Variants in GPATCH2 observed in about 807,000 individuals in gnomAD.
The protein encoded by GPATCH2 is G patch domain-containing protein 2.
GPATCH2 carries 51 observed loss-of-function variants against 58.0 expected under a neutral mutation model. The ratio of observed to expected loss-of-function variants is 0.88; its 90% confidence interval spans 0.70 to 1.11. GPATCH2 has a LOEUF of 1.11. GPATCH2 is among the 50% of genes most tolerant of loss of function. The pLI, the probability that GPATCH2 is intolerant of heterozygous loss-of-function variation, is 0.00. For missense variants in GPATCH2, 625 were observed against 652.2 expected (o/e 0.96, Z 0.45); for synonymous variants, 222 against 218.5 (o/e 1.02, Z -0.14).
intron 6 of GPATCH2, chr1:217,498,799 A>C (rs1662143038): frequency 3.5e-6 from 1 of 281,778 alleles, no homozygotes; most frequent in Non-Finnish European, 6.8e-6. Flanking sequence ...TTAAAAATAC[A>C]ACAATATTAC....
At chr1:217,599,955 G>A (rs781685758) in intron 5 of GPATCH2, among the ~76,000 whole-genome samples, 2 of 151,858 alleles carry the variant, frequency 1.3e-5, no homozygotes, top group African/African-American at 4.8e-5. Flanking sequence ...CTTCAAAATC[G>A]ATTCAAATCT....
rs1571679325 is a variant in GPATCH2, at chr1:217,625,766, T to C, written c.56+5150A>G. On this transcript the variant is annotated intron_variant, in intron 1 of 9. Coordinates refer to ENST00000366935, the MANE Select transcript of GPATCH2 (RefSeq NM_018040.5). ...GGGAGGTCGAAGTGGGTGGATCACCTGAGGTCAGGCATTCAAGACCAGCCT... is the reference window on the plus strand; with the variant it reads ...GGGAGGTCGAAGTGGGTGGATCACCCGAGGTCAGGCATTCAAGACCAGCCT... Among the ~76,000 whole-genome samples the C allele has an allele frequency of 5.9e-5, 9 of 152,288 alleles. No homozygotes were observed. In the East Asian group the frequency reaches 1.7e-3, roughly 29 times the overall value.
At chr1:217,623,384 T>C (rs1431295103) in intron 1 of GPATCH2, among the ~76,000 whole-genome samples, 1 of 152,166 alleles carries the variant, frequency 6.6e-6, no homozygotes, top group Non-Finnish European at 1.5e-5. Context: ...ATTCAATCCA[T>C]TGTAATCTGA....
chr1:217,605,068 A>G (rs552403093), intron 5 of GPATCH2, among the ~76,000 whole-genome samples: 37 of 152,140 alleles, frequency 2.4e-4, no homozygotes, highest in Non-Finnish European at 4.9e-4. Flanking sequence ...TTCTGCTGTA[A>G]AAGGCTATAA....
intron 8 of GPATCH2, among the ~76,000 whole-genome samples, chr1:217,465,837 T>C (rs1191421876): frequency 1.3e-5 from 2 of 152,150 alleles, no homozygotes; most frequent in South Asian, 2.1e-4. Context: ...CTGGGAAAAA[T>C]CACCTAAAAT....
At chr1:217,486,267 T>C (rs1469372434) in intron 8 of GPATCH2, among the ~76,000 whole-genome samples, 1 of 152,230 alleles carries the variant, frequency 6.6e-6, no homozygotes, top group African/African-American at 2.4e-5. Flanking sequence ...CCTATATCTA[T>C]TTTGATTAAT....
chr1:217,625,583 T>C (rs759873820), intron 1 of GPATCH2, among the ~76,000 whole-genome samples: 9 of 152,130 alleles, frequency 5.9e-5, no homozygotes, highest in Admixed American at 3.3e-4. Context: ...ATAAAGTATA[T>C]ATAGAAAAGT....
In GPATCH2 at chr1:217,610,880, G is replaced by A. The variant is rs1443087202; in HGVS notation, c.1018+9C>T. 3.8e-6 allele frequency: 6 copies of A among 1,593,450 alleles called. No individual in the cohort carries two copies. The highest frequency in any genetic ancestry group is 3.3e-5 in the South Asian group (3 of 89,948). On this transcript the variant is annotated intron_variant, in intron 4 of 9. Coordinates refer to ENST00000366935, the MANE Select transcript of GPATCH2 (RefSeq NM_018040.5). Reference sequence around the variant, plus strand: ...CCATTATATCTACCAGGGAGCCAGTGCTACTGACCTCTTCTGCTTGGGTGT... The same window carrying A: ...CCATTATATCTACCAGGGAGCCAGTACTACTGACCTCTTCTGCTTGGGTGT...
chr1:217,436,892 T>C (rs1322128132), intron 9 of GPATCH2, among the ~76,000 whole-genome samples: 3 of 152,156 alleles, frequency 2.0e-5, no homozygotes, highest in Non-Finnish European at 4.4e-5. Context: ...AACACTGAAC[T>C]TGCAATATTA....
intron 5 of GPATCH2, among the ~76,000 whole-genome samples, chr1:217,592,952 T>C (rs1372788630): frequency 6.6e-6 from 1 of 151,958 alleles, no homozygotes; most frequent in South Asian, 2.1e-4. Context: ...GATTCAAAAA[T>C]GGATCTATGG....
chr1:217,464,284 C>T (rs374399268), intron 8 of GPATCH2, among the ~76,000 whole-genome samples: 131 of 152,256 alleles, frequency 8.6e-4, no homozygotes, highest in African/African-American at 3.1e-3. Flanking sequence ...CTCCCCTTCT[C>T]ATCCTCAAAC....
intron 5 of GPATCH2, among the ~76,000 whole-genome samples, chr1:217,556,495 T>C (rs1478482315): frequency 6.6e-6 from 1 of 152,252 alleles, no homozygotes; most frequent in Admixed American, 6.5e-5. Flanking sequence ...GCTCATTTCT[T>C]CCAATATTGT....
intron 5 of GPATCH2, among the ~76,000 whole-genome samples, chr1:217,537,878 C>T (rs1471626932): frequency 6.6e-6 from 1 of 152,076 alleles, no homozygotes; most frequent in Non-Finnish European, 1.5e-5. Context: ...TATTTAAAGA[C>T]AATAAGCAGA....
intron 6 of GPATCH2, among the ~76,000 whole-genome samples, chr1:217,501,657 C>T (rs1481517289): frequency 6.6e-6 from 1 of 152,090 alleles, no homozygotes; most frequent in Non-Finnish European, 1.5e-5. Flanking sequence ...AGTGATATCT[C>T]ATTGTGGTCC....
At chr1:217,571,605 C>T (rs772795162) in intron 5 of GPATCH2, among the ~76,000 whole-genome samples, 25 of 146,772 alleles carry the variant, frequency 1.7e-4, no homozygotes, top group Non-Finnish European at 3.1e-4. Context: ...AGGTGATCTA[C>T]ACTTGAGGCC....
intron 1 of GPATCH2, among the ~76,000 whole-genome samples, chr1:217,622,751 G>A (rs1013207701): frequency 5.3e-5 from 8 of 152,166 alleles, no homozygotes; most frequent in Non-Finnish European, 1.0e-4. Flanking sequence ...CACTGTGTTG[G>A]CCAGGCTGAT....
At chr1:217,436,788 A>G (rs1243401283) in intron 9 of GPATCH2, among the ~76,000 whole-genome samples, 4 of 152,164 alleles carry the variant, frequency 2.6e-5, no homozygotes, top group African/African-American at 9.7e-5. Context: ...TGGAGAGATA[A>G]TTCAGCTGCC....
At chr1:217,592,225 A>T (rs1667626574) in intron 5 of GPATCH2, among the ~76,000 whole-genome samples, 1 of 151,996 alleles carries the variant, frequency 6.6e-6, no homozygotes, top group African/African-American at 2.4e-5. Flanking sequence ...TATAGCAACT[A>T]CATCAATTTG....
intron 5 of GPATCH2, among the ~76,000 whole-genome samples, chr1:217,569,172 GATGACGAA>G (rs1461740684): frequency 6.6e-6 from 1 of 151,662 alleles, no homozygotes; most frequent in Non-Finnish European, 1.5e-5. Flanking sequence ...GACCAGTACA[GATGACGAA>G]ATGGGAGTAG....
Sources: allele counts gnomAD v4.1 joint callset (sites outside exome capture counted in the v4.1 genomes callset), GRCh38; gene constraint gnomAD v4.1.1; transcripts MANE v1.5; gene names NCBI Gene and HGNC (gene_info 2026-07-23, HGNC 2026-07-21).